Variants in SOS1 observed in about 807,000 individuals in gnomAD.
The protein encoded by SOS1 is SOS Ras/Rac guanine nucleotide exchange factor 1.
A neutral mutation model predicts 157.6 loss-of-function variants in SOS1; 25 were observed. The observed-to-expected ratio is 0.16, with a 90% CI of 0.12 to 0.22. The LOEUF (loss-of-function observed/expected upper bound fraction) is 0.22. Ranked by LOEUF, SOS1 falls within the 10% of genes least tolerant of loss-of-function variation. The pLI is 1.00. For missense variants in SOS1, 1,237 were observed against 1,599.1 expected, an observed-to-expected ratio of 0.77 and a Z score of 3.86; for synonymous variants, 528 against 534.0, an observed-to-expected ratio of 0.99 and a Z score of 0.16.
chr2:39,076,369 A>G (rs1281831070), intron 1 of SOS1, among the ~76,000 whole-genome samples: 1 of 152,120 alleles, frequency 6.6e-6, no homozygotes, highest in African/African-American at 2.4e-5. Context: ...ACTGCACTCC[A>G]GCCTGGGTGA....
At chr2:39,076,728 G>A (rs565986200) in intron 1 of SOS1, among the ~76,000 whole-genome samples, 3 of 152,064 alleles carry the variant, frequency 2.0e-5, no homozygotes, top group East Asian at 1.9e-4. Flanking sequence ...TTAAAACCAG[G>A]GACAAGACAA....
chr2:39,039,534 G>A (rs956066018), intron 6 of SOS1, among the ~76,000 whole-genome samples: 2 of 152,164 alleles, frequency 1.3e-5, no homozygotes, highest in East Asian at 3.8e-4. Flanking sequence ...TAGTAAGGTT[G>A]AGAATCTACT....
In SOS1 at chr2:39,056,840, G is replaced by T. The variant is rs1266876999; in HGVS notation, c.372C>A (p.His124Gln). The T allele has an allele frequency of 6.2e-7, 1 of 1,610,414 alleles. No homozygotes were observed. Among genetic ancestry groups the T allele is most frequent in the Non-Finnish European group, 8.5e-7 (1 of 1,177,006 alleles). Residue 124 changes from histidine (H) to glutamine (Q), a missense_variant, in exon 4 of 23, where the codon CAC becomes CAA. This residue lies in a region of SOS1 where 37 missense variants were observed against 38.5 expected (regional missense o/e 0.96). Coordinates refer to ENST00000402219, the MANE Select transcript of SOS1 (RefSeq NM_005633.4). The part of the protein sequence containing the change: ...LKEVLGYKID[H>Q]QVSVYIVAVL... Reference sequence around the variant, plus strand: ...CTGCTACTATGTAAACAGAAACCTGGTGGTCAATTTTATAACCTAGGACCT... The same window carrying T: ...CTGCTACTATGTAAACAGAAACCTGTTGGTCAATTTTATAACCTAGGACCT...
intron 1 of SOS1, among the ~76,000 whole-genome samples, chr2:39,105,465 T>A (rs924844201): frequency 6.6e-6 from 1 of 152,208 alleles, no homozygotes; most frequent in Non-Finnish European, 1.5e-5. Flanking sequence ...ACAGTTGGGC[T>A]GCTTAACTCA....
At position 39,051,770 on chromosome 2, in the gene SOS1, A is replaced by C. The variant is rs138487692; in HGVS notation, c.721-483T>G. Among the ~76,000 whole-genome samples, 458 of 152,334 alleles carry C rather than the reference A, an allele frequency of 3.0e-3. 12 individuals are homozygous for C. Among genetic ancestry groups the C allele is most frequent in the Admixed American group, 0.027 (420 of 15,302 alleles). Reference sequence around the variant, plus strand: ...AATGTTTTACATTTGCAAATCTCTAACATAGCGTACTAGAAGACAGCAGGA... The same window carrying C: ...AATGTTTTACATTTGCAAATCTCTACCATAGCGTACTAGAAGACAGCAGGA... On this transcript the variant is annotated intron_variant, in intron 5 of 22. Coordinates refer to ENST00000402219, the MANE Select transcript of SOS1 (RefSeq NM_005633.4).
chr2:39,103,257 C>T (rs1477558525), intron 1 of SOS1, among the ~76,000 whole-genome samples: 6 of 152,052 alleles, frequency 3.9e-5, no homozygotes, highest in Non-Finnish European at 8.8e-5. Context: ...AGATTCGATG[C>T]AATCTCTATC....
chr2:39,018,628 C>A (rs1392241687), intron 10 of SOS1, among the ~76,000 whole-genome samples: 3 of 151,640 alleles, frequency 2.0e-5, no homozygotes, highest in Non-Finnish European at 3.0e-5. Flanking sequence ...TAATCCAATC[C>A]TTTTTCCTTA....
chr2:39,110,888 G>A (rs1006502904), intron 1 of SOS1, among the ~76,000 whole-genome samples: 7 of 152,156 alleles, frequency 4.6e-5, no homozygotes, highest in African/African-American at 1.7e-4. Flanking sequence ...ATCACTTCAG[G>A]TCAGGAATTC....
Position 39,023,238 on chromosome 2 carries a change from A to T in SOS1, c.1203-13T>A, listed in dbSNP as rs145166996. 155 of 1,603,272 alleles carry T rather than the reference A, an allele frequency of 9.7e-5. 1 individual carries two copies. The African/African-American group carries it at 1.8e-3, about 18-fold the overall frequency. On this transcript the variant is annotated splice_polypyrimidine_tract_variant and intron_variant, in intron 9 of 22. Coordinates refer to ENST00000402219, the MANE Select transcript of SOS1 (RefSeq NM_005633.4). ...ACATGCAGATTCACTGGAATAAAGA[A>T]AAAGACATTATTAGTACATAGATGA... is the stretch of plus-strand genomic sequence containing the variant.
At chr2:39,047,473 T>C (rs1284206007) in intron 6 of SOS1, among the ~76,000 whole-genome samples, 1 of 152,174 alleles carries the variant, frequency 6.6e-6, no homozygotes, top group African/African-American at 2.4e-5. Flanking sequence ...AATTACACCC[T>C]AGCCCCCACC....
chr2:39,100,043 T>C (rs1014259855), intron 1 of SOS1, among the ~76,000 whole-genome samples: 3 of 152,222 alleles, frequency 2.0e-5, no homozygotes, highest in Admixed American at 1.3e-4. Context: ...GAAGAAGACA[T>C]ACTAATGACA....
rs541748873 is a variant in SOS1 at position 39,029,220 on chromosome 2, A to G, written c.1075-5083T>C. ...ATTAAACAGGCAATCAACCCTAAAAAATGTTACGATATGTCATTTATGAAA... is the reference window on the plus strand; with the variant it reads ...ATTAAACAGGCAATCAACCCTAAAAGATGTTACGATATGTCATTTATGAAA... On this transcript the variant is annotated intron_variant, in intron 8 of 22. Transcript: ENST00000402219. Among the ~76,000 whole-genome samples, 6 of 152,338 alleles carry G rather than the reference A, an allele frequency of 3.9e-5. No individual in the cohort carries two copies. In the South Asian group the frequency reaches 6.2e-4, roughly 16 times the overall value.
chr2:39,023,269 A>C, intron 9 of SOS1, 44 bp from the exon 10 acceptor site: 1 of 1,460,850 alleles, frequency 6.8e-7, no homozygotes, highest in Non-Finnish European at 9.5e-7. Flanking sequence ...GATGACAGAA[A>C]ACCTAGAGCT....
chr2:39,042,670 T>G (rs1284869249), intron 6 of SOS1, among the ~76,000 whole-genome samples: 3 of 151,678 alleles, frequency 2.0e-5, no homozygotes, highest in Admixed American at 1.3e-4. Flanking sequence ...CCAAAAGTGC[T>G]GGGATTACAG....
intron 17 of SOS1, among the ~76,000 whole-genome samples, chr2:39,001,733 A>G (rs1202759056): frequency 6.6e-6 from 1 of 152,206 alleles, no homozygotes; most frequent in Non-Finnish European, 1.5e-5. Flanking sequence ...AAGGCTGTCT[A>G]ACTCCAGAGA....
At chr2:39,047,888 A>C (rs1489035077) in intron 6 of SOS1, among the ~76,000 whole-genome samples, 1 of 152,082 alleles carries the variant, frequency 6.6e-6, no homozygotes, top group Non-Finnish European at 1.5e-5. Flanking sequence ...GGCTCGTCTC[A>C]AACTCCTGAC....
At chr2:39,122,487 G>A (rs1673928192), upstream of SOS1, among the ~76,000 whole-genome samples, 1 of 144,598 alleles carries the variant, frequency 6.9e-6, no homozygotes, top group South Asian at 2.1e-4. Context: ...CACACAGACC[G>A]GCCGGGCGCA....
At chr2:39,030,605 C>T (rs1447481688) in intron 8 of SOS1, among the ~76,000 whole-genome samples, 1 of 151,854 alleles carries the variant, frequency 6.6e-6, no homozygotes, top group Non-Finnish European at 1.5e-5. Context: ...GGGAAGCCAG[C>T]GTATAAAGCC....
chr2:39,114,148 T>C (rs1296354887), intron 1 of SOS1, among the ~76,000 whole-genome samples: 4 of 152,144 alleles, frequency 2.6e-5, no homozygotes, highest in Admixed American at 6.6e-5. Flanking sequence ...CAGACGGCAG[T>C]GCAATGGCAC....
Sources: gnomAD v4.1 joint callset for allele counts (sites outside exome capture counted in the v4.1 genomes callset) on GRCh38, gnomAD v4.1.1 for gene constraint, gnomAD v4.1.1 regional missense constraint, MANE v1.5 for transcripts, NCBI Gene and HGNC (gene_info 2026-07-23, HGNC 2026-07-21) for gene names.